RNGTT: variants seen among roughly 807,000 people sequenced by gnomAD.
RNGTT encodes RNA guanylyltransferase and 5'-phosphatase, also known as mRNA-capping enzyme.
Under a neutral mutation model 79.3 loss-of-function variants are expected in RNGTT, and 33 were observed. That is an observed-to-expected ratio of 0.42 (90% confidence interval 0.32 to 0.56). The LOEUF is 0.56. RNGTT is among the 20% of genes least tolerant of loss of function. The probability of loss-of-function intolerance (pLI) is 0.17; values close to 1 mark genes in which losing one functional copy is unlikely to be tolerated. For missense variants in RNGTT, 497 were observed against 739.1 expected (o/e 0.67, Z 3.80); for synonymous variants, 222 against 235.9 (o/e 0.94, Z 0.54).
intron 14 of RNGTT, among the ~76,000 whole-genome samples, chr6:88,645,086 T>G (rs1317769381): frequency 6.6e-6 from 1 of 152,206 alleles, no homozygotes; most frequent in African/African-American, 2.4e-5. Context: ...GATGACATGA[T>G]TGTATATCTA....
At chr6:88,836,017 C>T (rs1378702705) in intron 11 of RNGTT, among the ~76,000 whole-genome samples, 15 of 115,458 alleles carry the variant, frequency 1.3e-4, no homozygotes, top group African/African-American at 5.0e-4. Context: ...CACACACACA[C>T]ACACACATAT....
intron 1 of RNGTT, among the ~76,000 whole-genome samples, chr6:88,944,249 G>A (rs573972076): frequency 1.7e-4 from 26 of 152,116 alleles, no homozygotes; most frequent in East Asian, 9.6e-4. Flanking sequence ...ATTATTCCTC[G>A]TTTTACAGAT....
At position 88,668,128 on chromosome 6, in the gene RNGTT, C is replaced by T. The variant is rs1774488721; in HGVS notation, c.1506+10225G>A. ...CCATTAGCTTATTCTCCCCAGTTTA[C>T]CCTTTCTCCCCAGGTGATCGAGTGT... On this transcript the variant is annotated intron_variant, in intron 14 of 15. Transcript: ENST00000369485. Among the ~76,000 whole-genome samples the T allele has an allele frequency of 3.9e-5, 6 of 152,180 alleles. No individual in the cohort carries two copies. In the South Asian group the frequency reaches 1.2e-3, roughly 32 times the overall value.
At chr6:88,648,421 T>A (rs1053495846) in intron 14 of RNGTT, among the ~76,000 whole-genome samples, 5 of 151,892 alleles carry the variant, frequency 3.3e-5, no homozygotes. Context: ...CATGTATACA[T>A]ATGTAACAAA....
chr6:88,831,420 G>A (rs1420830416), intron 11 of RNGTT, among the ~76,000 whole-genome samples: 1 of 152,122 alleles, frequency 6.6e-6, no homozygotes, highest in Non-Finnish European at 1.5e-5. Flanking sequence ...CAATAGACTA[G>A]GTACTGATGG....
chr6:88,912,970 T>C (rs1377277941), intron 4 of RNGTT, among the ~76,000 whole-genome samples: 1 of 152,018 alleles, frequency 6.6e-6, no homozygotes, highest in East Asian at 1.9e-4. Context: ...TTTAGGAGGC[T>C]GAGGCAGGCA....
intron 8 of RNGTT, among the ~76,000 whole-genome samples, chr6:88,866,420 C>A (rs1214277233): frequency 1.3e-5 from 2 of 152,000 alleles, no homozygotes; most frequent in Non-Finnish European, 1.5e-5. Context: ...CAGGCACTAC[C>A]AAAGACACAA....
At chr6:88,714,000 A>G (rs1486246968) in intron 13 of RNGTT, among the ~76,000 whole-genome samples, 4 of 152,294 alleles carry the variant, frequency 2.6e-5, no homozygotes, top group South Asian at 2.1e-4. Context: ...TAGAGTTCCA[A>G]TCTTGGTCTG....
At chr6:88,665,806 G>A (rs960863346) in intron 14 of RNGTT, among the ~76,000 whole-genome samples, 3 of 152,126 alleles carry the variant, frequency 2.0e-5, no homozygotes, top group South Asian at 2.1e-4. Context: ...CCAGTACATC[G>A]ACAACCTCCT....
chr6:88,662,100 A>C (rs541391315), intron 14 of RNGTT, among the ~76,000 whole-genome samples: 1 of 152,364 alleles, frequency 6.6e-6, no homozygotes, highest in East Asian at 1.9e-4. Flanking sequence ...ATTTGACAAA[A>C]TCTAGCATTC....
chr6:88,670,312 T>C (rs2610719), intron 14 of RNGTT, among the ~76,000 whole-genome samples: 40,318 of 152,120 alleles, frequency 0.27, 9,326 homozygotes, highest in African/African-American at 0.63. Flanking sequence ...AGGAACCTGC[T>C]TGTTGCTCCC....
intron 8 of RNGTT, among the ~76,000 whole-genome samples, chr6:88,870,700 A>G (rs1782326254): frequency 6.6e-6 from 1 of 152,116 alleles, no homozygotes; most frequent in Non-Finnish European, 1.5e-5. Flanking sequence ...TGCAAATATA[A>G]TAATTCAGAT....
intron 4 of RNGTT, among the ~76,000 whole-genome samples, chr6:88,919,078 T>A (rs144394388): frequency 2.4e-3 from 361 of 152,296 alleles, no homozygotes; most frequent in African/African-American, 8.3e-3. Flanking sequence ...GTTATAAAGT[T>A]ACAAAACCAT....
intron 14 of RNGTT, among the ~76,000 whole-genome samples, chr6:88,664,355 A>G (rs1017352595): frequency 1.3e-5 from 2 of 152,148 alleles, no homozygotes; most frequent in Non-Finnish European, 2.9e-5. Context: ...CATGATTAAC[A>G]TGGCCTTAGT....
Position 88,963,368 on chromosome 6 carries a change from G to A in RNGTT, c.42C>T (p.Pro14=). 6.2e-7 allele frequency: 1 copy of A among 1,611,196 alleles called. No individual in the cohort carries two copies. The highest frequency in any genetic ancestry group is 1.1e-5 in the South Asian group (1 of 90,994). ...TACCTGCCACCGGCTGGCCGCGCCG[G>A]GGACAGTTCAGCCACCGCGGCGGGA... ...NKIPPRWLNC[P]RRGQPVAGRF... The change falls in exon 1 of 16, where the codon CCC becomes CCT. Residue 14 remains proline (P), a synonymous_variant. Coordinates refer to ENST00000369485, the MANE Select transcript of RNGTT (RefSeq NM_003800.5).
At chr6:88,836,729 G>A (rs911055689) in intron 11 of RNGTT, among the ~76,000 whole-genome samples, 1 of 152,022 alleles carries the variant, frequency 6.6e-6, no homozygotes, top group South Asian at 2.1e-4. Flanking sequence ...GACAGAACAA[G>A]ATCCTATCTC....
intron 12 of RNGTT, among the ~76,000 whole-genome samples, chr6:88,770,865 G>C (rs1275124168): frequency 6.6e-6 from 1 of 152,118 alleles, no homozygotes; most frequent in Non-Finnish European, 1.5e-5. Context: ...CAAAGATGGT[G>C]AAGATCTTTT....
At chr6:88,823,457 A>T (rs1011538138) in intron 11 of RNGTT, among the ~76,000 whole-genome samples, 3 of 143,932 alleles carry the variant, frequency 2.1e-5, no homozygotes, top group African/African-American at 7.7e-5. Flanking sequence ...AAAAAAAAAA[A>T]GCCTCTGTTA....
At chr6:88,795,643 C>A (rs2127858742) in intron 12 of RNGTT, among the ~76,000 whole-genome samples, 1 of 152,094 alleles carries the variant, frequency 6.6e-6, no homozygotes, top group African/African-American at 2.4e-5. Context: ...TGTAACAAAC[C>A]TGCATGTTCC....
Sources: gnomAD v4.1 joint callset for allele counts (sites outside exome capture counted in the v4.1 genomes callset) on GRCh38, gnomAD v4.1.1 for gene constraint, MANE v1.5 for transcripts, NCBI Gene and HGNC (gene_info 2026-07-23, HGNC 2026-07-21) for gene names.